CLPTM1L: variants seen among roughly 807,000 people sequenced by gnomAD.
CLPTM1L encodes the protein lipid scramblase CLPTM1L.
A neutral mutation model predicts 70.9 loss-of-function variants in CLPTM1L; 38 were observed. That is an observed-to-expected ratio of 0.54 (90% CI 0.41 to 0.70). The LOEUF (loss-of-function observed/expected upper bound fraction) is 0.70. Among genes scored for constraint, CLPTM1L ranks in the 30% least tolerant of loss-of-function variants. The probability of loss-of-function intolerance (pLI) is 0.00; values close to 1 mark genes in which losing one functional copy is unlikely to be tolerated. For synonymous variants in CLPTM1L, 339 were observed against 299.9 expected (o/e 1.13, Z -1.35); for missense variants, 652 against 705.9 (o/e 0.92, Z 0.87).
In CLPTM1L at chr5:1,325,766, C is replaced by G; in HGVS notation, c.1131G>C (p.Leu377=). The change falls in exon 10 of 17, where the codon CTG becomes CTC. Residue 377 remains leucine, a synonymous_variant. Coordinates refer to ENST00000320895, the MANE Select transcript of CLPTM1L (RefSeq NM_030782.5). Reference sequence around the variant, plus strand: ...TAAATCCTACCTGAAATTCGGGCATCAGGCCTCTCCAAAAAATAGTCATCT... The same window carrying G: ...TAAATCCTACCTGAAATTCGGGCATGAGGCCTCTCCAAAAAATAGTCATCT... The part of the protein sequence containing the change: ...ALKMTIFWRG[L]MPEFQFGTYS... 6.2e-7 allele frequency: 1 copy of G among 1,613,862 alleles called. No individual in the cohort carries two copies. The highest frequency in any genetic ancestry group is 8.5e-7 in the Non-Finnish European group (1 of 1,179,770).
rs762429404 is a variant in CLPTM1L, at chr5:1,321,756, C to A, written c.1371+8G>T. On this transcript the variant is annotated splice_region_variant and intron_variant, in intron 14 of 16. Coordinates refer to ENST00000320895, the MANE Select transcript of CLPTM1L (RefSeq NM_030782.5). The stretch of plus-strand genomic sequence containing the variant: ...GGGCCGGGCCGCGGGCAGCACACAC[C>A]GCCTTACCTTGTAGTTCACAAAGAG... 21 of 1,613,846 alleles carry A rather than the reference C, an allele frequency of 1.3e-5. No homozygotes were observed. The highest frequency in any genetic ancestry group is 1.8e-5 in the Non-Finnish European group (21 of 1,179,924).
At chr5:1,320,359 G>A (rs1752079898) in intron 16 of CLPTM1L, 21 of 398,912 alleles carry the variant, frequency 5.3e-5, no homozygotes, top group Admixed American at 2.2e-4. Context: ...GCTTTCAGTG[G>A]CTCATCAATA....
rs760599778 is a variant in CLPTM1L, at chr5:1,338,947, C to A, written c.512G>T (p.Arg171Leu). The A allele has an allele frequency of 6.2e-7, 1 of 1,613,382 alleles. No individual in the cohort carries two copies. The highest frequency in any genetic ancestry group is 1.1e-5 in the South Asian group (1 of 91,092). Reference sequence around the variant, plus strand: ...CATCACGTTCAGCGCCAGCCGCGGTCGCCAGTGGGACACTGGCTCATCCAG... The same window carrying A: ...CATCACGTTCAGCGCCAGCCGCGGTAGCCAGTGGGACACTGGCTCATCCAG... Reference protein sequence around the residue: ...SALDEPVSHWRPRLALNVMAD... With the variant: ...SALDEPVSHWLPRLALNVMAD... Residue 171 changes from arginine to leucine, a missense_variant, in exon 4 of 17, where the codon CGA (arginine) becomes CTA (leucine). Around this residue, in one of 3 missense-constraint regions of CLPTM1L, gnomAD observed 402 missense variants for 388.2 expected, o/e 1.04. Transcript: ENST00000320895.
intron 7 of CLPTM1L, among the ~76,000 whole-genome samples, chr5:1,333,662 G>GATGAGGATAAGGGGGGAGTA (rs1561244394): frequency 2.1e-5 from 2 of 97,036 alleles, no homozygotes; most frequent in African/African-American, 8.2e-5. Context: ...ATACACACCG[G>GATGAGGATAAGGGGGGAGTA]CTGAGGATAA....
Position 1,318,346 on chromosome 5 carries a change from G to A in CLPTM1L, c.*23C>T, listed in dbSNP as rs777228036. 3.8e-5 allele frequency: 61 copies of A among 1,600,216 alleles called. No individual in the cohort carries two copies. The highest frequency in any genetic ancestry group is 1.7e-4 in the Middle Eastern group (1 of 6,046). On this transcript the variant is annotated 3_prime_UTR_variant, in exon 17 of 17. Coordinates refer to ENST00000320895, the MANE Select transcript of CLPTM1L (RefSeq NM_030782.5). The surrounding 1 kb of genome is among the most constrained non-coding windows in gnomAD (Gnocchi z 8.9). The stretch of plus-strand genomic sequence containing the variant: ...TCATTGACAATTCAAGTTGCACTTG[G>A]CTGGCGGCAGCCCGGGCGGCCTTCA...
chr5:1,333,395 G>C (rs1753283367), intron 7 of CLPTM1L, among the ~76,000 whole-genome samples: 1 of 119,548 alleles, frequency 8.4e-6, no homozygotes, highest in Non-Finnish European at 1.7e-5. Flanking sequence ...ATGAGGATAA[G>C]GGGGGACTAC....
chr5:1,339,394 A>G (rs1176135218), intron 3 of CLPTM1L, among the ~76,000 whole-genome samples: 1 of 113,846 alleles, frequency 8.8e-6, no homozygotes. Flanking sequence ...CAGGGTCAGC[A>G]CCCTAACCTG....
At chr5:1,322,164 G>A (rs922777334) in intron 13 of CLPTM1L, among the ~76,000 whole-genome samples, 1 of 152,218 alleles carries the variant, frequency 6.6e-6, no homozygotes, top group African/African-American at 2.4e-5. Context: ...CAGGGGTCAG[G>A]TGTGGGACTC....
At chr5:1,325,347 C>G in intron 10 of CLPTM1L, 1 of 257,802 alleles carries the variant, frequency 3.9e-6, no homozygotes, top group East Asian at 8.0e-5. Flanking sequence ...TATGGGCGCC[C>G]AGGCACTGGG....
At chr5:1,324,654 AC>A (rs1252523242) in intron 11 of CLPTM1L, 108 bp downstream of exon 11, 1 of 1,094,002 alleles carries the variant, frequency 9.1e-7, no homozygotes, top group African/African-American at 1.5e-5. Flanking sequence ...AGGCGGGCTG[AC>A]CCGTACTCCA....
At chr5:1,325,682 CTT>C (rs1191951338) in intron 10 of CLPTM1L, 67 bp downstream of exon 10, 4 of 1,376,462 alleles carry the variant, frequency 2.9e-6, no homozygotes, top group Middle Eastern at 1.8e-4. Context: ...CCATCTTACT[CTT>C]TGCACAGGGG....
chr5:1,344,720 T>C lies in CLPTM1L; in HGVS notation c.122A>G (p.Asn41Ser), dbSNP rs149912646. 189 of 1,592,130 alleles carry C rather than the reference T, an allele frequency of 1.2e-4. No homozygotes were observed. The highest frequency in any genetic ancestry group is 5.1e-4 in the East Asian group (22 of 43,062). Residue 41 changes from asparagine (N) to serine (S), a missense_variant, in exon 1 of 17, where the codon AAC (asparagine) becomes AGC (serine). Physicochemically the swap from Asn to Ser is conservative, Grantham distance 46. Coordinates refer to ENST00000320895, the MANE Select transcript of CLPTM1L (RefSeq NM_030782.5). The part of the protein sequence containing the change: ...VYTRPCSGDA[N>S]CIQPYLARRP... ...CCGCGCCAGGTAGGGCTGGATGCAG[T>C]TGGCGTCGCCGGAGCACGGGCGGGT...
intron 7 of CLPTM1L, 70 bp from the exon 8 acceptor site, chr5:1,331,953 G>A: frequency 3.9e-6 from 5 of 1,294,868 alleles, no homozygotes; most frequent in South Asian, 1.2e-5. Flanking sequence ...CAGAGATAGA[G>A]GCTTCGTGTG....
chr5:1,341,728 G>C lies in CLPTM1L; in HGVS notation c.396C>G (p.Thr132=), dbSNP rs149175705. The C allele has an allele frequency of 6.2e-6, 10 of 1,613,958 alleles. No homozygotes were observed. Among genetic ancestry groups the C allele is most frequent in the African/African-American group, 1.3e-5 (1 of 75,056 alleles). ...TTTCTTCTGGCTTGGGGACCATGTA[G>C]GTGGTCAGAGGACTGACCAGGTGCA... is the stretch of plus-strand genomic sequence containing the variant. ...KQVHLVSPLT[T]YMVPKPEEIN... Residue 132 remains threonine (T), a synonymous_variant, in exon 3 of 17, where the codon ACC becomes ACG. Transcript: ENST00000320895.
intron 8 of CLPTM1L, 123 bp from the exon 9 acceptor site, chr5:1,330,506 C>T (rs113602419): frequency 7.3e-6 from 5 of 680,782 alleles, no homozygotes; most frequent in Admixed American, 2.5e-5. Context: ...TTCAGGTACT[C>T]CCCAGTCCAC....
intron 1 of CLPTM1L, 74 bp from the exon 2 acceptor site, chr5:1,344,525 G>C (rs916908994): frequency 1.3e-6 from 2 of 1,502,142 alleles, no homozygotes; most frequent in African/African-American, 2.8e-5. Context: ...ACGGCCAGCT[G>C]GAGGGCGGAA....
chr5:1,344,462 G>C lies in CLPTM1L; in HGVS notation c.163-11C>G. 6.2e-7 allele frequency: 1 copy of C among 1,610,608 alleles called. No individual in the cohort carries two copies. Among genetic ancestry groups the C allele is most frequent in the Non-Finnish European group, 8.5e-7 (1 of 1,177,266 alleles). On this transcript the variant is annotated splice_polypyrimidine_tract_variant and intron_variant, in intron 1 of 16. Transcript: ENST00000320895. ...GGTGTACACGCTCAGCTGGAAAGGA[G>C]GGGGCGTCGAGAGTCAGCTCGGCCA... is the stretch of plus-strand genomic sequence containing the variant.
Position 1,344,866 on chromosome 5 carries a change from G to A in CLPTM1L, c.-25C>T. 7.2e-7 allele frequency: 1 copy of A among 1,384,504 alleles called. No individual in the cohort carries two copies. The highest frequency in any genetic ancestry group is 9.4e-7 in the Non-Finnish European group (1 of 1,059,920). 85.8% of individuals were successfully genotyped at this position (1,384,504 alleles called of 1,614,324 possible). On this transcript the variant is annotated 5_prime_UTR_variant, in exon 1 of 17. Transcript: ENST00000320895. Reference sequence around the variant, plus strand: ...TGGCGGCCCCGCGCCCGGCGCCCCCGGCCCGCCCGCCTCTCAGCCGCGAGC... The same window carrying A: ...TGGCGGCCCCGCGCCCGGCGCCCCCAGCCCGCCCGCCTCTCAGCCGCGAGC...
chr5:1,323,805 A>G lies in CLPTM1L; in HGVS notation c.1262T>C (p.Leu421Pro), dbSNP rs202162399. 6.4e-5 allele frequency: 103 copies of G among 1,613,148 alleles called. No individual in the cohort carries two copies. The highest frequency in any genetic ancestry group is 7.8e-5 in the Non-Finnish European group (92 of 1,179,418). The change falls in exon 12 of 17, where the codon CTG (leucine) becomes CCG (proline). Residue 421 changes from leucine (L) to proline (P), a missense_variant. This residue lies in a region of CLPTM1L where 240 missense variants were observed against 295.0 expected (regional missense o/e 0.81). Transcript: ENST00000320895. ...CTCCTACCTCTTATATTTGATATTC[A>G]GGAGTGAATAGACAGCACCCCCGAC... Reference protein sequence around the residue: ...LCVGGAVYSLLNIKYKSWYSW... With the variant: ...LCVGGAVYSLPNIKYKSWYSW...
Sources: allele counts gnomAD v4.1 joint callset (sites outside exome capture counted in the v4.1 genomes callset), GRCh38; gene constraint gnomAD v4.1.1; regional missense constraint gnomAD v4.1.1; non-coding constraint Gnocchi (gnomAD v3.1); transcripts MANE v1.5; gene names NCBI Gene and HGNC (gene_info 2026-07-23, HGNC 2026-07-21).